SPPL2B: variants seen among roughly 807,000 people sequenced by gnomAD.
SPPL2B encodes the protein signal peptide peptidase like 2B.
SPPL2B carries 39 observed loss-of-function variants against 59.7 expected under a neutral mutation model. The ratio of observed to expected loss-of-function variants is 0.65; its 90% CI spans 0.51 to 0.85. The LOEUF is 0.85. SPPL2B is among the 40% of genes least tolerant of loss of function. SPPL2B has a pLI of 0.00. For synonymous variants in SPPL2B, 419 were observed against 370.8 expected (o/e 1.13, Z -1.49); for missense variants, 865 against 849.0 (o/e 1.02, Z -0.23).
At chr19:2,348,995 C>CA (rs1599250172) in intron 13 of SPPL2B, among the ~76,000 whole-genome samples, 1 of 149,674 alleles carries the variant, frequency 6.7e-6, no homozygotes, top group East Asian at 2.0e-4. Context: ...CACACACACT[C>CA]ACGCTCTCAT....
intron 1 of SPPL2B, 94 bp from the exon 2 acceptor site, chr19:2,334,508 G>T (rs1270182224): frequency 1.3e-6 from 2 of 1,484,334 alleles, no homozygotes; most frequent in South Asian, 1.3e-5. Context: ...GCCCTTCCTG[G>T]AGGCGTCCTC....
Position 2,339,136 on chromosome 19 carries a change from T to G in SPPL2B, c.527T>G (p.Val176Gly), listed in dbSNP as rs1289669083. Residue 176 changes from valine to glycine, a missense_variant, in exon 5 of 15, where the codon GTC becomes GGC. Transcript: ENST00000613503. ...PKEPVLDYNM[V>G]IIFIMAVGTV... ...GAGCCGGTGCTGGACTACAACATGGTCATCATCTTCATCATGGCTGTGGGC... is the reference window on the plus strand; with the variant it reads ...GAGCCGGTGCTGGACTACAACATGGGCATCATCTTCATCATGGCTGTGGGC... The G allele has an allele frequency of 6.3e-7, 1 of 1,593,442 alleles. No individual in the cohort carries two copies. Among genetic ancestry groups the G allele is most frequent in the South Asian group, 1.1e-5 (1 of 88,070 alleles).
rs1491508907 is a variant in SPPL2B, at chr19:2,337,200, A to AG, written c.187-239dup. On this transcript the variant is annotated intron_variant, in intron 2 of 14. Transcript: ENST00000613503. ...CGGCTCGCGGGGTGGCTCAGGTATC[A>AG]GGGGACAGCCATGTCTGTGAGGACT... is the stretch of plus-strand genomic sequence containing the variant. 20 of 416,666 alleles carry AG rather than the reference A, an allele frequency of 4.8e-5. No homozygotes were observed. The Admixed American group carries it at 8.4e-4, about 18-fold the overall frequency. The allele number at this position is 416,666 out of a possible 1,614,324, so 25.8% of individuals were successfully genotyped here.
rs1326300174 is a variant in SPPL2B, at chr19:2,337,434, C to A, written c.187-9C>A. ...CACGTGAGACAACACTGTGCCCTGG[C>A]CTTTCCAGTCTTTCCTGCAGCTGCG... On this transcript the variant is annotated splice_polypyrimidine_tract_variant and intron_variant, in intron 2 of 14. Coordinates refer to ENST00000613503, the MANE Select transcript of SPPL2B (RefSeq NM_152988.3). 1.3e-6 allele frequency: 2 copies of A among 1,591,554 alleles called. No homozygotes were observed. The highest frequency in any genetic ancestry group is 1.7e-5 in the Admixed American group (1 of 58,208).
At chr19:2,341,416 G>A (rs1432713997) in intron 8 of SPPL2B, 2 of 462,982 alleles carry the variant, frequency 4.3e-6, no homozygotes, top group Non-Finnish European at 4.3e-6. Context: ...GGTCCTCTTG[G>A]TCATGACTGC....
intron 2 of SPPL2B, among the ~76,000 whole-genome samples, chr19:2,335,121 G>T (rs1490929871): frequency 6.6e-6 from 1 of 152,088 alleles, no homozygotes; most frequent in Non-Finnish European, 1.5e-5. Flanking sequence ...CCTGCTGCTG[G>T]ATGAGTCCCT....
chr19:2,347,943 ACTCG>A (rs1402838076), intron 13 of SPPL2B, among the ~76,000 whole-genome samples: 1 of 15,640 alleles, frequency 6.4e-5, no homozygotes, highest in Non-Finnish European at 1.4e-4. Flanking sequence ...CCACACACAC[ACTCG>A]CGCTCTCATT....
intron 2 of SPPL2B, among the ~76,000 whole-genome samples, chr19:2,335,680 C>T (rs1195332746): frequency 6.6e-6 from 1 of 151,060 alleles, no homozygotes; most frequent in Non-Finnish European, 1.5e-5. Flanking sequence ...TGCCTCCTTT[C>T]CCACCGTATC....
At position 2,337,459 on chromosome 19, in the gene SPPL2B, G is replaced by A. The variant is rs187922038; in HGVS notation, c.203G>A (p.Arg68His). 1.2e-4 allele frequency: 198 copies of A among 1,605,498 alleles called. 1 individual carries two copies. In the East Asian group the frequency reaches 3.7e-3, roughly 30 times the overall value. The change falls in exon 3 of 15, where the codon CGC becomes CAC. Residue 68 changes from arginine to histidine, a missense_variant. Transcript: ENST00000613503. The stretch of plus-strand genomic sequence containing the variant: ...CCTTTCCAGTCTTTCCTGCAGCTGC[G>A]CAACTGGACGGCCTCCCTGCTCTGC... The part of the protein sequence containing the change: ...DLSKASFLQL[R>H]NWTASLLCSA...
At position 2,340,062 on chromosome 19, in the gene SPPL2B, C is replaced by T. The variant is rs781322141; in HGVS notation, c.743-14C>T. The T allele has an allele frequency of 1.3e-6, 2 of 1,585,130 alleles. No individual in the cohort carries two copies. Among genetic ancestry groups the T allele is most frequent in the Non-Finnish European group, 1.7e-6 (2 of 1,169,582 alleles). ...GCGGGCCTGGCCCCCGGCCTCACGG[C>T]CCTGCCCCTGCAGTGTACGTGGTCA... On this transcript the variant is annotated splice_polypyrimidine_tract_variant and intron_variant, in intron 6 of 14. Coordinates refer to ENST00000613503, the MANE Select transcript of SPPL2B (RefSeq NM_152988.3).
intron 1 of SPPL2B, among the ~76,000 whole-genome samples, chr19:2,330,012 A>G (rs1968196728): frequency 6.6e-6 from 1 of 151,650 alleles, no homozygotes; most frequent in Admixed American, 6.6e-5. Context: ...AGCTCCCCAG[A>G]CATTTGGAAG....
chr19:2,353,142 C>T lies in SPPL2B; in HGVS notation c.1712C>T (p.Pro571Leu), dbSNP rs776055704. 8 of 1,610,620 alleles carry T rather than the reference C, an allele frequency of 5.0e-6. 1 individual carries two copies. The African/African-American group carries it at 9.4e-5, about 19-fold the overall frequency. Residue 571 changes from proline to leucine, a missense_variant, in exon 15 of 15, where the codon CCA becomes CTA. By Grantham distance (98) the Pro-to-Leu change is moderately conservative. Coordinates refer to ENST00000613503, the MANE Select transcript of SPPL2B (RefSeq NM_152988.3). The part of the protein sequence containing the change: ...AGAPMREPGS[P>L]AESEGRDQAQ... ...GCCCCCATGCGGGAGCCTGGGAGCCCAGCTGAATCCGAGGGCCGGGACCAG... is the reference window on the plus strand; with the variant it reads ...GCCCCCATGCGGGAGCCTGGGAGCCTAGCTGAATCCGAGGGCCGGGACCAG...
At position 2,351,357 on chromosome 19, in the gene SPPL2B, C is replaced by T. The variant is rs1418543562; in HGVS notation, c.1355-77C>T. On this transcript the variant is annotated intron_variant, in intron 13 of 14. Transcript: ENST00000613503. ...CCCCTGCCCTCCACCAACCCCAGCCCGCTCACGTTCTTCCCAGGGAAATGG... is the reference window on the plus strand; with the variant it reads ...CCCCTGCCCTCCACCAACCCCAGCCTGCTCACGTTCTTCCCAGGGAAATGG... The T allele has an allele frequency of 2.9e-5, 36 of 1,259,426 alleles. 1 individual carries two copies. The highest frequency in any genetic ancestry group is 2.4e-4 in the Middle Eastern group (1 of 4,166). The allele number at this position is 1,259,426 out of a possible 1,614,324, so 78.0% of individuals were successfully genotyped here. A position where few individuals can be genotyped will look rare whatever the true frequency, so the allele number is the denominator to read the frequency against.
chr19:2,340,157 C>G lies in SPPL2B; in HGVS notation c.824C>G (p.Pro275Arg). The G allele has an allele frequency of 6.4e-7, 1 of 1,573,486 alleles. No homozygotes were observed. ...SCLAPCVRRLPFGKCRIPNNS... is the reference protein window; with the variant it reads ...SCLAPCVRRLRFGKCRIPNNS... ...CTGGCGCCCTGTGTGCGGCGGCTGCCCTTCGGCAAGTGCAGGTGAGTCTGC... is the reference window on the plus strand; with the variant it reads ...CTGGCGCCCTGTGTGCGGCGGCTGCGCTTCGGCAAGTGCAGGTGAGTCTGC... Residue 275 changes from proline to arginine, a missense_variant, in exon 7 of 15, where the codon CCC (proline) becomes CGC (arginine). Physicochemically the swap from Pro to Arg is moderately radical, Grantham distance 103. Coordinates refer to ENST00000613503, the MANE Select transcript of SPPL2B (RefSeq NM_152988.3).
Position 2,340,898 on chromosome 19 carries a change from G to T in SPPL2B, c.840G>T (p.Arg280Ser). 6.3e-7 allele frequency: 1 copy of T among 1,584,678 alleles called. No homozygotes were observed. Reference sequence around the variant, plus strand: ...GCTCTGACTGCCCCGTGCCCCCCAGGATCCCCAACAACAGCCTGCCCTACT... The same window carrying T: ...GCTCTGACTGCCCCGTGCCCCCCAGTATCCCCAACAACAGCCTGCCCTACT... Reference protein sequence around the residue: ...CVRRLPFGKCRIPNNSLPYFH... With the variant: ...CVRRLPFGKCSIPNNSLPYFH... The change falls in exon 8 of 15, where the codon AGG becomes AGT. Residue 280 changes from arginine to serine, a missense_variant and splice_region_variant. Physicochemically the swap from Arg to Ser is moderately radical, Grantham distance 110. Transcript: ENST00000613503.
At chr19:2,341,108 C>T (rs772418053) in intron 8 of SPPL2B, 94 bp downstream of exon 8, 18 of 857,444 alleles carry the variant, frequency 2.1e-5, no homozygotes, top group Admixed American at 7.8e-5. Context: ...CCCTGGAGGC[C>T]GCCCCAGCCT....
chr19:2,344,701 C>G, intron 12 of SPPL2B, 49 bp downstream of exon 12: 7 of 1,281,362 alleles, frequency 5.5e-6, no homozygotes, highest in Non-Finnish European at 6.7e-6. Context: ...GGCAGGGCCC[C>G]GGGCGGCTGA....
Position 2,353,649 on chromosome 19 carries a change from T to C in SPPL2B, c.*440T>C. 1 of 180,820 alleles carries C rather than the reference T, an allele frequency of 5.5e-6. No individual in the cohort carries two copies. Among genetic ancestry groups the C allele is most frequent in the South Asian group, 1.2e-4 (1 of 8,336 alleles). The allele number at this position is 180,820 out of a possible 1,614,324, so 11.2% of individuals were successfully genotyped here. A position where few individuals can be genotyped will look rare whatever the true frequency, so the allele number is the denominator to read the frequency against. ...CTCTCCGGGTGGAAGAGCAGCTTTC[T>C]GTCTCCCAGAAGGCATCGCTTTTCC... On this transcript the variant is annotated 3_prime_UTR_variant, in exon 15 of 15. Transcript: ENST00000613503.
chr19:2,328,707 G>C lies in SPPL2B; in HGVS notation c.-3G>C, dbSNP rs1335673546. The C allele has an allele frequency of 7.6e-6, 11 of 1,438,572 alleles. No homozygotes were observed. The Admixed American group carries it at 3.2e-4, about 42-fold the overall frequency. 89.1% of individuals were successfully genotyped at this position (1,438,572 alleles called of 1,614,324 possible). The stretch of plus-strand genomic sequence containing the variant: ...CCGTTGGTTGCGGCGGGCACCGGCC[G>C]ACATGGCGGCAGCGGTGGCGGCTGC... On this transcript the variant is annotated 5_prime_UTR_variant, in exon 1 of 15. Coordinates refer to ENST00000613503, the MANE Select transcript of SPPL2B (RefSeq NM_152988.3).
Sources: gnomAD v4.1 joint callset for allele counts (sites outside exome capture counted in the v4.1 genomes callset) on GRCh38, gnomAD v4.1.1 for gene constraint, MANE v1.5 for transcripts, NCBI Gene and HGNC (gene_info 2026-07-23, HGNC 2026-07-21) for gene names.